Variants in ZNF704 observed in about 807,000 individuals in gnomAD.
ZNF704 encodes glucocorticoid induced gene 1.
Under a neutral mutation model 44.7 loss-of-function variants are expected in ZNF704, and 10 were observed. The observed-to-expected ratio is 0.22, with a 90% confidence interval of 0.14 to 0.38. ZNF704 has a LOEUF of 0.38. ZNF704 is among the 10% of genes least tolerant of loss of function. ZNF704 has a pLI of 1.00. For synonymous variants in ZNF704, 211 were observed against 207.6 expected (o/e 1.02, Z -0.14); for missense variants, 390 against 545.5 (o/e 0.71, Z 2.84).
intron 7 of ZNF704, among the ~76,000 whole-genome samples, chr8:80,656,534 C>A (rs1818019385): frequency 1.3e-5 from 2 of 152,166 alleles, no homozygotes. Flanking sequence ...CTCCCCACAG[C>A]CTTAGGCTAC....
In ZNF704 at chr8:80,670,611, G is replaced by A; in HGVS notation, c.559-8C>T. ...CATCACCTTCATGGAATTCTGTAAA[G>A]GGGAGAGAGTGATATTAGAATGGAA... On this transcript the variant is annotated splice_region_variant and splice_polypyrimidine_tract_variant and intron_variant, in intron 4 of 8. Coordinates refer to ENST00000327835, the MANE Select transcript of ZNF704 (RefSeq NM_001033723.3). The A allele has an allele frequency of 1.3e-6, 2 of 1,576,126 alleles. No homozygotes were observed. Among genetic ancestry groups the A allele is most frequent in the South Asian group, 1.1e-5 (1 of 90,300 alleles).
chr8:80,788,187 A>G (rs1807646094), intron 2 of ZNF704, among the ~76,000 whole-genome samples: 1 of 152,226 alleles, frequency 6.6e-6, no homozygotes, highest in Non-Finnish European at 1.5e-5. Flanking sequence ...AAAAGGTAAA[A>G]CCAACAGAAT....
At chr8:80,791,369 G>A (rs755405720) in intron 2 of ZNF704, among the ~76,000 whole-genome samples, 6 of 152,194 alleles carry the variant, frequency 3.9e-5, no homozygotes, top group Non-Finnish European at 7.3e-5. Context: ...GCCCAGAAAG[G>A]GGGAAGGAGA....
intron 5 of ZNF704, among the ~76,000 whole-genome samples, chr8:80,669,107 G>T (rs1818239675): frequency 6.6e-6 from 1 of 152,148 alleles, no homozygotes; most frequent in African/African-American, 2.4e-5. Flanking sequence ...CAATTCCAGG[G>T]TCTATAAATA....
intron 2 of ZNF704, among the ~76,000 whole-genome samples, chr8:80,815,699 A>G (rs1441344621): frequency 1.3e-5 from 2 of 152,246 alleles, no homozygotes; most frequent in East Asian, 3.8e-4. Flanking sequence ...CATTGGTGAA[A>G]TATGTGTTTC....
rs1817571855 is a variant in ZNF704 at position 80,630,848 on chromosome 8, G to A, written c.*10518C>T. On this transcript the variant is annotated 3_prime_UTR_variant, in exon 9 of 9. Coordinates refer to ENST00000327835, the MANE Select transcript of ZNF704 (RefSeq NM_001033723.3). ...ATTAATTACAAAAATAGGAATTTTA[G>A]GGTGTGTTGTAGGAAAATATTGATT... 6.6e-6 allele frequency: 1 copy of A among 152,090 alleles called. No homozygotes were observed. Among genetic ancestry groups the A allele is most frequent in the African/African-American group, 2.4e-5 (1 of 41,390 alleles). The allele number at this position is 152,090 out of a possible 1,614,324, so 9.4% of individuals were successfully genotyped here.
rs76721664 is a variant in ZNF704, at chr8:80,829,450, C to T, written c.-21-7835G>A. Among the ~76,000 whole-genome samples, 32 of 152,226 alleles carry T rather than the reference C, an allele frequency of 2.1e-4. No homozygotes were observed. In the East Asian group the frequency reaches 2.1e-3, roughly 10 times the overall value. ...AATTGCTTCTAAGTGTCAAGTATTACGTTAATTAAATATTTAAGTCTTCAC... is the reference window on the plus strand; with the variant it reads ...AATTGCTTCTAAGTGTCAAGTATTATGTTAATTAAATATTTAAGTCTTCAC... On this transcript the variant is annotated intron_variant, in intron 1 of 8. Coordinates refer to ENST00000327835, the MANE Select transcript of ZNF704 (RefSeq NM_001033723.3).
intron 2 of ZNF704, among the ~76,000 whole-genome samples, chr8:80,748,229 A>C (rs1357860696): frequency 6.6e-6 from 1 of 152,076 alleles, no homozygotes; most frequent in Non-Finnish European, 1.5e-5. Flanking sequence ...GTATATAACC[A>C]GAACAAAATC....
At chr8:80,842,269 C>G (rs745717910) in intron 1 of ZNF704, among the ~76,000 whole-genome samples, 102 of 152,136 alleles carry the variant, frequency 6.7e-4, no homozygotes, top group African/African-American at 2.4e-3. Context: ...AGGTCCACCC[C>G]GAGTCCTCAT....
chr8:80,726,850 CACACACAG>C (rs1289083074), intron 2 of ZNF704, among the ~76,000 whole-genome samples: 2 of 151,986 alleles, frequency 1.3e-5, no homozygotes, highest in Non-Finnish European at 2.9e-5. Flanking sequence ...CACACACACA[CACACACAG>C]ACACACACAG....
chr8:80,787,637 G>A (rs1284411736), intron 2 of ZNF704, among the ~76,000 whole-genome samples: 3 of 151,996 alleles, frequency 2.0e-5, no homozygotes, highest in Non-Finnish European at 2.9e-5. Context: ...TTAACAGTGA[G>A]GCGAGTTTTT....
intron 1 of ZNF704, among the ~76,000 whole-genome samples, chr8:80,835,607 A>G (rs1329167809): frequency 6.6e-6 from 1 of 152,216 alleles, no homozygotes. Context: ...GAGTAGCTAC[A>G]TGTGGAGATA....
intron 2 of ZNF704, among the ~76,000 whole-genome samples, chr8:80,800,614 G>A (rs768864701): frequency 2.0e-5 from 3 of 152,136 alleles, no homozygotes; most frequent in Non-Finnish European, 2.9e-5. Flanking sequence ...CAAATGCTGA[G>A]GGAATTCATC....
chr8:80,771,503 C>A (rs527614925), intron 2 of ZNF704, among the ~76,000 whole-genome samples: 15 of 151,970 alleles, frequency 9.9e-5, no homozygotes, highest in Non-Finnish European at 2.1e-4. Flanking sequence ...GTCATGTGTT[C>A]ATTGCTAATA....
intron 3 of ZNF704, among the ~76,000 whole-genome samples, chr8:80,691,075 T>C (rs1207191891): frequency 6.6e-6 from 1 of 152,058 alleles, no homozygotes; most frequent in Non-Finnish European, 1.5e-5. Context: ...TGTTGGGCAA[T>C]ACTGATTCAT....
At chr8:80,666,438 T>C (rs1187626516) in intron 5 of ZNF704, among the ~76,000 whole-genome samples, 1 of 151,148 alleles carries the variant, frequency 6.6e-6, no homozygotes, top group Non-Finnish European at 1.5e-5. Flanking sequence ...TGTGCATGTG[T>C]CTTTATAGCA....
intron 2 of ZNF704, among the ~76,000 whole-genome samples, chr8:80,726,156 T>C (rs1806477484): frequency 6.6e-6 from 1 of 152,098 alleles, no homozygotes; most frequent in Non-Finnish European, 1.5e-5. Flanking sequence ...TACATATTTA[T>C]TAGTTACTTT....
At chr8:80,674,351 AAAG>A (rs1291828134) in intron 4 of ZNF704, among the ~76,000 whole-genome samples, 1 of 152,222 alleles carries the variant, frequency 6.6e-6, no homozygotes, top group Non-Finnish European at 1.5e-5. Flanking sequence ...CATTGCCATA[AAAG>A]AATACCTGAT....
chr8:80,828,317 A>G (rs1311489151), intron 1 of ZNF704, among the ~76,000 whole-genome samples: 3 of 152,194 alleles, frequency 2.0e-5, no homozygotes, highest in Non-Finnish European at 4.4e-5. Context: ...AATGAACTGA[A>G]TCTTGTTACT....
Sources: gnomAD v4.1 joint callset for allele counts (sites outside exome capture counted in the v4.1 genomes callset) on GRCh38, gnomAD v4.1.1 for gene constraint, MANE v1.5 for transcripts, NCBI Gene and HGNC (gene_info 2026-07-23, HGNC 2026-07-21) for gene names.